NMT2: variants seen among roughly 807,000 people sequenced by gnomAD.
NMT2 encodes glycylpeptide N-tetradecanoyltransferase 2.
In NMT2, 35 loss-of-function variants were observed where a neutral mutation model predicts 65.4. The observed-to-expected ratio is 0.54, with a 90% confidence interval of 0.41 to 0.71. NMT2 has a LOEUF of 0.71. Ranked by LOEUF, NMT2 falls within the 30% of genes least tolerant of loss-of-function variation. The pLI is 0.00. For synonymous variants in NMT2, 226 were observed against 231.8 expected (o/e 0.98, Z 0.23); for missense variants, 489 against 611.3 (o/e 0.80, Z 2.11).
At chr10:15,119,856 G>A (rs1194932711) in intron 8 of NMT2, among the ~76,000 whole-genome samples, 2 of 152,112 alleles carry the variant, frequency 1.3e-5, no homozygotes, top group Non-Finnish European at 2.9e-5. Context: ...CATGATGTAC[G>A]CCAATACCCA....
chr10:15,153,889 G>A (rs867781335), intron 1 of NMT2, among the ~76,000 whole-genome samples: 9 of 152,048 alleles, frequency 5.9e-5, no homozygotes, highest in Middle Eastern at 3.4e-3. Flanking sequence ...TCCTGATCTC[G>A]TGATCCACCC....
At chr10:15,164,668 A>G (rs1833317280) in intron 1 of NMT2, among the ~76,000 whole-genome samples, 1 of 152,216 alleles carries the variant, frequency 6.6e-6, no homozygotes, top group Non-Finnish European at 1.5e-5. Flanking sequence ...GAAGGCAAAA[A>G]CACAGCAAAA....
chr10:15,153,028 T>C lies in NMT2; in HGVS notation c.111-11471A>G, dbSNP rs561143295. ...ATGCTACAATATACAGCAGCCCCCC[T>C]TTTTTTTATGGAATGGAGGTTTAAT... is the stretch of plus-strand genomic sequence containing the variant. On this transcript the variant is annotated intron_variant, in intron 1 of 11. Coordinates refer to ENST00000378165, the MANE Select transcript of NMT2 (RefSeq NM_004808.3). 2.8e-3 allele frequency among the ~76,000 whole-genome samples: 419 copies of C among 151,884 alleles called. 3 individuals are homozygous for C. The highest frequency in any genetic ancestry group is 9.2e-3 in the African/African-American group (383 of 41,438).
chr10:15,162,818 G>GTATTTGATATTTATATATCTCTATA (rs1257182387), intron 1 of NMT2, among the ~76,000 whole-genome samples: 1 of 146,654 alleles, frequency 6.8e-6, no homozygotes, highest in African/African-American at 2.5e-5. Context: ...TTATATATCT[G>GTATTTGATATTTATATATCTCTATA]TATTTGATAT....
chr10:15,155,103 C>T (rs767503275), intron 1 of NMT2: 3 of 1,438,470 alleles, frequency 2.1e-6, no homozygotes, highest in African/African-American at 2.8e-5. Context: ...AGACTTGCCA[C>T]CAGTGCCATT....
intron 2 of NMT2, chr10:15,140,966 C>A: frequency 1.0e-5 from 16 of 1,548,434 alleles, no homozygotes; most frequent in Non-Finnish European, 1.0e-5. Flanking sequence ...TGGTTTAATT[C>A]AAAGTCAACG....
chr10:15,111,509 C>CAA (rs58537120), intron 10 of NMT2, among the ~76,000 whole-genome samples: 124 of 52,280 alleles, frequency 2.4e-3, no homozygotes, highest in African/African-American at 4.1e-3. Flanking sequence ...AGACTCATCT[C>CAA]AAAAAAAAAA....
chr10:15,154,988 A>C (rs751731137), intron 1 of NMT2: 3 of 1,171,746 alleles, frequency 2.6e-6, no homozygotes, highest in Non-Finnish European at 2.6e-6. Context: ...TGGGTCCAGC[A>C]TTTGCCATGG....
At chr10:15,139,274 ATCT>A (rs1846639106) in intron 2 of NMT2, among the ~76,000 whole-genome samples, 2 of 151,166 alleles carry the variant, frequency 1.3e-5, no homozygotes, top group African/African-American at 4.9e-5. Context: ...CTATCTATCT[ATCT>A]ATCTATCTAT....
At chr10:15,132,004 T>C (rs1846302547) in intron 6 of NMT2, among the ~76,000 whole-genome samples, 1 of 152,100 alleles carries the variant, frequency 6.6e-6, no homozygotes, top group Non-Finnish European at 1.5e-5. Flanking sequence ...TAGCTAGGAT[T>C]ACAGGCACGT....
intron 8 of NMT2, among the ~76,000 whole-genome samples, chr10:15,126,428 T>TAAA (rs542212016): frequency 1.5e-5 from 2 of 130,546 alleles, no homozygotes; most frequent in Non-Finnish European, 3.3e-5. Context: ...GCCTCCATCT[T>TAAA]AAAAAAAAAA....
At chr10:15,150,621 A>G (rs1832770075) in intron 1 of NMT2, among the ~76,000 whole-genome samples, 1 of 152,148 alleles carries the variant, frequency 6.6e-6, no homozygotes, top group Non-Finnish European at 1.5e-5. Flanking sequence ...AGTCATGGAC[A>G]AGCCCTAGAA....
chr10:15,152,214 C>T (rs910750022), intron 1 of NMT2, among the ~76,000 whole-genome samples: 16 of 152,158 alleles, frequency 1.1e-4, no homozygotes, highest in South Asian at 2.1e-4. Flanking sequence ...GTACAAATGG[C>T]GCTTTTCACC....
At chr10:15,141,790 C>G (rs1030155021) in intron 1 of NMT2, among the ~76,000 whole-genome samples, 2 of 152,198 alleles carry the variant, frequency 1.3e-5, no homozygotes, top group African/African-American at 4.8e-5. Flanking sequence ...AGTCACGAAG[C>G]AGGAAGATTG....
rs563920855 is a variant in NMT2, at chr10:15,105,976, T to G, written c.*3219A>C. The stretch of plus-strand genomic sequence containing the variant: ...CGTGAGGTAAGCTCATGACAAAGTT[T>G]CCAACTGGCAATGCTGCAGTTATTT... On this transcript the variant is annotated 3_prime_UTR_variant, in exon 12 of 12. Coordinates refer to ENST00000378165, the MANE Select transcript of NMT2 (RefSeq NM_004808.3). The G allele has an allele frequency of 5.0e-6, 2 of 401,320 alleles. No individual in the cohort carries two copies. Among genetic ancestry groups the G allele is most frequent in the African/African-American group, 4.3e-5 (2 of 46,376 alleles). The allele number at this position is 401,320 out of a possible 1,614,324, so 24.9% of individuals were successfully genotyped here. A position where few individuals can be genotyped will look rare whatever the true frequency, so the allele number is the denominator to read the frequency against.
At chr10:15,147,095 CAAAAAAAAAAAAAAAAAAAAAAAA>C (rs34668178) in intron 1 of NMT2, among the ~76,000 whole-genome samples, 28 of 44,518 alleles carry the variant, frequency 6.3e-4, no homozygotes, top group Admixed American at 1.3e-3. Context: ...CTCTCGCTCT[CAAAAAAAAAAAAAAAAAAAAAAAA>C]AAAAAAAAAA....
At chr10:15,121,426 G>C (rs1046025147) in intron 8 of NMT2, among the ~76,000 whole-genome samples, 7 of 152,188 alleles carry the variant, frequency 4.6e-5, no homozygotes, top group African/African-American at 7.2e-5. Context: ...GGAGTGCAAT[G>C]GTGCGATCTC....
chr10:15,133,238 C>A lies in NMT2; in HGVS notation c.510+7G>T. Reference sequence around the variant, plus strand: ...GAGTTGAATTTAAGAGGTTTTTACTCACTCACCACTTCGGCATCACTCAAG... The same window carrying A: ...GAGTTGAATTTAAGAGGTTTTTACTAACTCACCACTTCGGCATCACTCAAG... On this transcript the variant is annotated splice_region_variant and intron_variant, in intron 4 of 11. Coordinates refer to ENST00000378165, the MANE Select transcript of NMT2 (RefSeq NM_004808.3). 2 of 1,611,110 alleles carry A rather than the reference C, an allele frequency of 1.2e-6. No individual in the cohort carries two copies. The highest frequency in any genetic ancestry group is 1.1e-5 in the South Asian group (1 of 91,014).
intron 1 of NMT2, among the ~76,000 whole-genome samples, chr10:15,153,203 T>C (rs534909209): frequency 1.8e-4 from 28 of 152,270 alleles, no homozygotes; most frequent in East Asian, 1.5e-3. Context: ...AGAGGATCAC[T>C]TGAAGTCAGG....
Sources: gnomAD v4.1 joint callset for allele counts (sites outside exome capture counted in the v4.1 genomes callset) on GRCh38, gnomAD v4.1.1 for gene constraint, MANE v1.5 for transcripts, NCBI Gene and HGNC (gene_info 2026-07-23, HGNC 2026-07-21) for gene names.